The following CNTNAP1 variants were observed in gnomAD, a reference collection of about 807,000 sequenced individuals.
CNTNAP1 encodes the protein contactin associated protein 1, also known as contactin-associated protein 1.
In CNTNAP1, 80 loss-of-function variants were observed where a neutral mutation model predicts 161.5. The ratio of observed to expected loss-of-function variants is 0.50; its 90% CI spans 0.41 to 0.60. The LOEUF (loss-of-function observed/expected upper bound fraction) is 0.60, where lower values mean the gene tolerates loss of function less well. Ranked by LOEUF, CNTNAP1 falls within the 20% of genes least tolerant of loss-of-function variation. The pLI is 0.00. For synonymous variants in CNTNAP1, 695 were observed against 733.1 expected, an observed-to-expected ratio of 0.95 and a Z score of 0.84; for missense variants, 1,464 against 1,854.8, an observed-to-expected ratio of 0.79 and a Z score of 3.87.
intron 18 of CNTNAP1, among the ~76,000 whole-genome samples, chr17:42,694,876 T>C (rs1348486414): frequency 2.0e-5 from 3 of 151,248 alleles, no homozygotes; most frequent in Non-Finnish European, 4.4e-5. Context: ...GTGGGAGGAG[T>C]GTGGGGGACT....
chr17:42,685,266 C>T lies in CNTNAP1; in HGVS notation c.561C>T (p.Phe187=). The change falls in exon 5 of 24, where the codon TTC becomes TTT. Residue 187 remains phenylalanine, a synonymous_variant. Coordinates refer to ENST00000264638, the MANE Select transcript of CNTNAP1 (RefSeq NM_003632.3). The surrounding 1 kb of genome is among the most constrained non-coding windows in gnomAD (Gnocchi z 5.0). The part of the protein sequence containing the change: ...FDGDDAISYR[F]PRGVSRSLWD... ...GCGACGATGCCATCTCCTACCGCTT[C>T]CCGCGAGGGGTCAGCCGAAGCCTGT... 1 of 1,613,848 alleles carries T rather than the reference C, an allele frequency of 6.2e-7. No individual in the cohort carries two copies. Among genetic ancestry groups the T allele is most frequent in the Non-Finnish European group, 8.5e-7 (1 of 1,180,050 alleles).
Position 42,693,494 on chromosome 17 carries a change from G to T in CNTNAP1, c.2950G>T (p.Asp984Tyr). 6.2e-7 allele frequency: 1 copy of T among 1,614,178 alleles called. No homozygotes were observed. Among genetic ancestry groups the T allele is most frequent in the South Asian group, 1.1e-5 (1 of 91,062 alleles). ...CVERYSYYTC[D>Y]CDLTAFDGPY... is the part of the protein sequence containing the mutation. ...GGAGCGCTATAGCTACTACACGTGT[G>T]ACTGTGACCTCACGGCTTTTGATGG... Residue 984 changes from aspartate (D) to tyrosine (Y), a missense_variant, in exon 18 of 24, where the codon GAC (aspartate) becomes TAC (tyrosine). Physicochemically the swap from Asp to Tyr is radical, Grantham distance 160 (BLOSUM62 -3). This residue lies in a region of CNTNAP1 where 1,383 missense variants were observed against 1,765.0 expected (regional missense o/e 0.78). Coordinates refer to ENST00000264638, the MANE Select transcript of CNTNAP1 (RefSeq NM_003632.3).
chr17:42,696,440 C>T (rs1373502643), intron 20 of CNTNAP1, among the ~76,000 whole-genome samples: 1 of 146,980 alleles, frequency 6.8e-6, no homozygotes. Flanking sequence ...TCTTCTGCCT[C>T]AGCCTCCCGA....
chr17:42,690,828 A>G lies in CNTNAP1; in HGVS notation c.1945A>G (p.Ile649Val). 2.5e-6 allele frequency: 4 copies of G among 1,614,194 alleles called. No homozygotes were observed. Among genetic ancestry groups the G allele is most frequent in the Non-Finnish European group, 3.4e-6 (4 of 1,179,990 alleles). Residue 649 changes from isoleucine to valine, a missense_variant, in exon 13 of 24, where the codon ATC becomes GTC. By Grantham distance (29) the Ile-to-Val change is conservative (BLOSUM62 3). This residue lies in a region of CNTNAP1 where 1,383 missense variants were observed against 1,765.0 expected (regional missense o/e 0.78). Coordinates refer to ENST00000264638, the MANE Select transcript of CNTNAP1 (RefSeq NM_003632.3). ...CATGGAGCGGCCATTCCTGGGGGCT[A>G]TCCAGTACTGGAATGCATCCTGGGA... is the stretch of plus-strand genomic sequence containing the variant. ...SSMERPFLGA[I>V]QYWNASWEEV...
rs1405451482 is a variant in CNTNAP1 at position 42,687,078 on chromosome 17, A to C, written c.1044+32A>C. ...GGGCAGGGGGGTCTGGGAGGACAGG[A>C]TATCAAAGCGTCGTGGAAAGCAAAG... On this transcript the variant is annotated intron_variant, in intron 7 of 23. Coordinates refer to ENST00000264638, the MANE Select transcript of CNTNAP1 (RefSeq NM_003632.3). The surrounding 1 kb of genome is among the most constrained non-coding windows in gnomAD (Gnocchi z 4.7). 1 of 1,595,762 alleles carries C rather than the reference A, an allele frequency of 6.3e-7. No individual in the cohort carries two copies. The highest frequency in any genetic ancestry group is 1.7e-5 in the Admixed American group (1 of 58,544).
At position 42,691,090 on chromosome 17, in the gene CNTNAP1, GC is replaced by G. The variant is rs2053080562; in HGVS notation, c.2060-46del. The G allele has an allele frequency of 1.2e-6, 2 of 1,606,802 alleles. No homozygotes were observed. The highest frequency in any genetic ancestry group is 1.7e-6 in the Non-Finnish European group (2 of 1,176,666). ...CTGGAAGGGCGAGAGGAGCCCAGAGGCTAATGGAGGGACAGGGCCTGGAAGC... is the reference window on the plus strand; with the variant it reads ...CTGGAAGGGCGAGAGGAGCCCAGAGGTAATGGAGGGACAGGGCCTGGAAGC... On this transcript the variant is annotated intron_variant, in intron 13 of 23. Transcript: ENST00000264638. This position sits in a 1 kb window ranked among gnomAD's most constrained non-coding sequence, Gnocchi z 4.3.
intron 20 of CNTNAP1, among the ~76,000 whole-genome samples, chr17:42,696,566 G>A (rs372443566): frequency 7.7e-4 from 117 of 152,218 alleles, no homozygotes; most frequent in African/African-American, 2.6e-3. Context: ...CAGATGATCC[G>A]CCTACCTCAG....
chr17:42,686,378 A>T (rs1038599406), intron 6 of CNTNAP1, among the ~76,000 whole-genome samples: 27 of 138,848 alleles, frequency 1.9e-4, no homozygotes, highest in Non-Finnish European at 2.8e-4. Context: ...ACCTCTATTT[A>T]AAAAAATTTT....
At position 42,689,503 on chromosome 17, in the gene CNTNAP1, T is replaced by C. The variant is rs1485826189; in HGVS notation, c.1629-18T>C. On this transcript the variant is annotated intron_variant, in intron 10 of 23. Transcript: ENST00000264638. ...CTCCCAGTAAGGCTCCTTCCCTTGGTCCTGACCCCTTCCCTAGGTGCAGCC... is the reference window on the plus strand; with the variant it reads ...CTCCCAGTAAGGCTCCTTCCCTTGGCCCTGACCCCTTCCCTAGGTGCAGCC... The C allele has an allele frequency of 6.9e-6, 11 of 1,604,282 alleles. No homozygotes were observed. The highest frequency in any genetic ancestry group is 9.4e-6 in the Non-Finnish European group (11 of 1,172,312).
At position 42,683,893 on chromosome 17, in the gene CNTNAP1, T is replaced by C; in HGVS notation, c.140T>C (p.Leu47Pro). 6.2e-7 allele frequency: 1 copy of C among 1,613,728 alleles called. No homozygotes were observed. The highest frequency in any genetic ancestry group is 2.2e-5 in the East Asian group (1 of 44,872). ...GGCGCCTCCTCCTACTACAGTCTCCTTACTGCGCCGAGATTCGCCAGGCTG... is the reference window on the plus strand; with the variant it reads ...GGCGCCTCCTCCTACTACAGTCTCCCTACTGCGCCGAGATTCGCCAGGCTG... ...SLGASSYYSLLTAPRFARLHG... is the reference protein window; with the variant it reads ...SLGASSYYSLPTAPRFARLHG... Residue 47 changes from leucine to proline, a missense_variant, in exon 2 of 24, where the codon CTT becomes CCT. Physicochemically the swap from Leu to Pro is moderately conservative, Grantham distance 98 (BLOSUM62 -3). Coordinates refer to ENST00000264638, the MANE Select transcript of CNTNAP1 (RefSeq NM_003632.3).
intron 18 of CNTNAP1, 88 bp from the exon 19 acceptor site, chr17:42,695,433 T>C: frequency 9.6e-7 from 1 of 1,046,130 alleles, no homozygotes; most frequent in Non-Finnish European, 1.4e-6. Context: ...CTGAAGTAAG[T>C]CTCAGGATGT....
rs2052976048 is a variant in CNTNAP1 at position 42,684,208 on chromosome 17, C to A, written c.342C>A (p.Phe114Leu). 1 of 1,613,620 alleles carries A rather than the reference C, an allele frequency of 6.2e-7. No homozygotes were observed. Among genetic ancestry groups the A allele is most frequent in the African/African-American group, 1.3e-5 (1 of 74,934 alleles). ...YGDRVDSWTPFYQRGHNSTFF... is the reference protein window; with the variant it reads ...YGDRVDSWTPLYQRGHNSTFF... ...ACCGAGTGGACAGCTGGACACCGTT[C>A]TACCAGCGAGGGCACAACTCGGTAC... The change falls in exon 3 of 24, where the codon TTC becomes TTA. Residue 114 changes from phenylalanine (F) to leucine (L), a missense_variant. Phe to Leu is a conservative substitution (Grantham distance 22, BLOSUM62 0). Coordinates refer to ENST00000264638, the MANE Select transcript of CNTNAP1 (RefSeq NM_003632.3).
At chr17:42,684,829 G>A (rs535918891) in intron 3 of CNTNAP1, among the ~76,000 whole-genome samples, 162 bp from the exon 4 acceptor site, 1 of 152,260 alleles carries the variant, frequency 6.6e-6, no homozygotes, top group South Asian at 2.1e-4. Flanking sequence ...GGGAGGCTGA[G>A]GAAGAGAATT....
Position 42,685,245 on chromosome 17 carries a change from C to T in CNTNAP1, c.540C>T (p.Asp180=), listed in dbSNP as rs1405654690. The change falls in exon 5 of 24, where the codon GAC becomes GAT. Residue 180 remains aspartate, a synonymous_variant. Transcript: ENST00000264638. This position sits in a 1 kb window ranked among gnomAD's most constrained non-coding sequence, Gnocchi z 5.0. Reference sequence around the variant, plus strand: ...CCGACATACTCTATTTCGACGGCGACGATGCCATCTCCTACCGCTTCCCGC... The same window carrying T: ...CCGACATACTCTATTTCGACGGCGATGATGCCATCTCCTACCGCTTCCCGC... ...YKADILYFDG[D]DAISYRFPRG... 43 of 1,613,834 alleles carry T rather than the reference C, an allele frequency of 2.7e-5. No individual in the cohort carries two copies. The highest frequency in any genetic ancestry group is 3.6e-5 in the Non-Finnish European group (42 of 1,180,046).
At chr17:42,693,797 G>A (rs2053121519) in intron 18 of CNTNAP1, among the ~76,000 whole-genome samples, 1 of 152,100 alleles carries the variant, frequency 6.6e-6, no homozygotes, top group Non-Finnish European at 1.5e-5. Context: ...CAAGGTGGGA[G>A]GATTGCTTGA....
intron 17 of CNTNAP1, among the ~76,000 whole-genome samples, chr17:42,693,060 A>G (rs2053110611): frequency 6.6e-6 from 1 of 151,034 alleles, no homozygotes; most frequent in African/African-American, 2.4e-5. Context: ...GGGTTCAAGC[A>G]GTTCTCCTGC....
At position 42,686,907 on chromosome 17, in the gene CNTNAP1, T is replaced by C; in HGVS notation, c.905T>C (p.Phe302Ser). ...CATTCCCCACGCCTCCCGCAGATGTTCATCGGAGGTCTGGTGGGCGCCGCG... is the reference window on the plus strand; with the variant it reads ...CATTCCCCACGCCTCCCGCAGATGTCCATCGGAGGTCTGGTGGGCGCCGCG... ...FERLNLDTEMFIGGLVGAARK... is the reference protein window; with the variant it reads ...FERLNLDTEMSIGGLVGAARK... Residue 302 changes from phenylalanine (F) to serine (S), a missense_variant, in exon 7 of 24, where the codon TTC (phenylalanine) becomes TCC (serine). Phe to Ser is a radical substitution (Grantham distance 155, BLOSUM62 -2). Around this residue, in one of 3 missense-constraint regions of CNTNAP1, gnomAD observed 1,383 missense variants for 1,765.0 expected, o/e 0.78. Coordinates refer to ENST00000264638, the MANE Select transcript of CNTNAP1 (RefSeq NM_003632.3). 1.2e-6 allele frequency: 2 copies of C among 1,601,444 alleles called. No homozygotes were observed. The highest frequency in any genetic ancestry group is 1.7e-6 in the Non-Finnish European group (2 of 1,170,066).
intron 18 of CNTNAP1, among the ~76,000 whole-genome samples, chr17:42,694,650 T>TC (rs1312648133): frequency 1.4e-5 from 2 of 146,402 alleles, no homozygotes; most frequent in Non-Finnish European, 3.0e-5. Flanking sequence ...AAAAAGCAAA[T>TC]CGCTTCTCCA....
Position 42,691,231 on chromosome 17 carries a change from T to C in CNTNAP1, c.2154T>C (p.Gly718=). 2.5e-6 allele frequency: 4 copies of C among 1,614,178 alleles called. No homozygotes were observed. The highest frequency in any genetic ancestry group is 3.4e-6 in the Non-Finnish European group (4 of 1,180,016). Residue 718 remains glycine, a synonymous_variant, in exon 14 of 24, where the codon GGT becomes GGC. Coordinates refer to ENST00000264638, the MANE Select transcript of CNTNAP1 (RefSeq NM_003632.3). This position sits in a 1 kb window ranked among gnomAD's most constrained non-coding sequence, Gnocchi z 4.3. ...SQPGIQRCAC[G]LDRSCVDPAL... Reference sequence around the variant, plus strand: ...CTGGGATCCAGCGCTGTGCCTGTGGTCTGGACCGGAGCTGTGTGGACCCTG... The same window carrying C: ...CTGGGATCCAGCGCTGTGCCTGTGGCCTGGACCGGAGCTGTGTGGACCCTG...
Sources: allele counts gnomAD v4.1 joint callset (sites outside exome capture counted in the v4.1 genomes callset), GRCh38; gene constraint gnomAD v4.1.1; regional missense constraint gnomAD v4.1.1; non-coding constraint Gnocchi (gnomAD v3.1); transcripts MANE v1.5; gene names NCBI Gene and HGNC (gene_info 2026-07-23, HGNC 2026-07-21).